The following PTPN12 variants were observed in gnomAD, a reference collection of about 807,000 sequenced individuals.
PTPN12 encodes protein tyrosine phosphatase non-receptor type 12, also known as tyrosine-protein phosphatase non-receptor type 12.
A neutral mutation model predicts 97.6 loss-of-function variants in PTPN12; 29 were observed. The ratio of observed to expected loss-of-function variants is 0.30; its 90% confidence interval spans 0.22 to 0.41. The LOEUF (loss-of-function observed/expected upper bound fraction) is 0.41, where lower values mean the gene tolerates loss of function less well. PTPN12 is among the 10% of genes least tolerant of loss of function. The probability of loss-of-function intolerance (pLI) is 1.00; values close to 1 mark genes in which losing one functional copy is unlikely to be tolerated. For missense variants in PTPN12, 819 were observed against 926.0 expected (o/e 0.88, Z 1.50); for synonymous variants, 327 against 300.4 (o/e 1.09, Z -0.91).
intron 9 of PTPN12, among the ~76,000 whole-genome samples, chr7:77,609,569 C>T (rs977496751): frequency 1.3e-5 from 2 of 150,832 alleles, no homozygotes; most frequent in African/African-American, 4.9e-5. Context: ...TGCACCCGGC[C>T]TAGTTGTTAA....
At chr7:77,575,310 C>G (rs890410547) in intron 2 of PTPN12, among the ~76,000 whole-genome samples, 20 of 151,482 alleles carry the variant, frequency 1.3e-4, no homozygotes, top group African/African-American at 4.6e-4. Flanking sequence ...GGCAACATAG[C>G]AAAACTCAAC....
At chr7:77,566,289 G>T (rs1008928426) in intron 1 of PTPN12, among the ~76,000 whole-genome samples, 2 of 152,168 alleles carry the variant, frequency 1.3e-5, no homozygotes, top group South Asian at 2.1e-4. Flanking sequence ...TATAATTAAA[G>T]ATTTGGTAGT....
chr7:77,612,732 C>T (rs910794411), intron 11 of PTPN12, among the ~76,000 whole-genome samples: 9 of 151,786 alleles, frequency 5.9e-5, no homozygotes, highest in Non-Finnish European at 1.2e-4. Context: ...CCACCGCGCC[C>T]GGCCTCGAAT....
intron 1 of PTPN12, among the ~76,000 whole-genome samples, chr7:77,549,025 C>T (rs908216924): frequency 4.6e-5 from 7 of 152,214 alleles, no homozygotes; most frequent in Non-Finnish European, 1.0e-4. Context: ...TCTAACCTGT[C>T]TCATTCACTT....
At chr7:77,619,096 CAGA>C (rs1788848527) in intron 12 of PTPN12, among the ~76,000 whole-genome samples, 2 of 152,072 alleles carry the variant, frequency 1.3e-5, no homozygotes, top group South Asian at 2.1e-4. Context: ...AATACAGAGG[CAGA>C]AGAAGATAGT....
intron 1 of PTPN12, among the ~76,000 whole-genome samples, chr7:77,564,607 C>T (rs11979103): frequency 1.3e-5 from 2 of 151,872 alleles, no homozygotes; most frequent in South Asian, 4.2e-4. Flanking sequence ...CAGTATAACT[C>T]TTAAGCTTAA....
chr7:77,585,621 G>A (rs535494194), intron 5 of PTPN12, 40 bp downstream of exon 5: 1 of 1,506,088 alleles, frequency 6.6e-7, no homozygotes. Flanking sequence ...CATTTTTACG[G>A]ATAAATATTC....
chr7:77,635,946 G>A (rs971723909), intron 15 of PTPN12, 97 bp downstream of exon 15: 7 of 693,034 alleles, frequency 1.0e-5, no homozygotes, highest in South Asian at 5.7e-5. Flanking sequence ...TCTTAAGATC[G>A]TTAAATATAG....
Position 77,637,944 on chromosome 7 carries a change from A to ATTTT in PTPN12, c.2174-680_2174-679insTTTT, listed in dbSNP as rs1421411134. 7.2e-3 allele frequency among the ~76,000 whole-genome samples: 648 copies of ATTTT among 89,482 alleles called. 176 individuals are homozygous for ATTTT. The highest frequency in any genetic ancestry group is 0.026 in the Middle Eastern group (2 of 78). The allele number at this position is 89,482 out of a possible 152,430, so 58.7% of individuals were successfully genotyped here. A position where few individuals can be genotyped will look rare whatever the true frequency, so the allele number is the denominator to read the frequency against. ...AACCCTGACCTTGTTGATTTCTTAA[A>ATTTT]ATTTTTTTTTTTTTTTTTTTTTTTT... On this transcript the variant is annotated intron_variant, in intron 16 of 17. Transcript: ENST00000248594.
chr7:77,598,668 G>A (rs1325558143), intron 7 of PTPN12, among the ~76,000 whole-genome samples: 1 of 151,996 alleles, frequency 6.6e-6, no homozygotes, highest in African/African-American at 2.4e-5. Context: ...GGGCAACAGA[G>A]CAAGACTCTG....
At chr7:77,542,371 A>G (rs1320794339) in intron 1 of PTPN12, among the ~76,000 whole-genome samples, 1 of 152,208 alleles carries the variant, frequency 6.6e-6, no homozygotes, top group Non-Finnish European at 1.5e-5. Flanking sequence ...TCTGGTAGAA[A>G]AGGTGAGAAT....
chr7:77,587,678 G>A (rs1486338875), intron 5 of PTPN12, among the ~76,000 whole-genome samples: 2 of 152,272 alleles, frequency 1.3e-5, no homozygotes, highest in East Asian at 1.9e-4. Flanking sequence ...GAAGCTAGAC[G>A]TTGACTTCTT....
At chr7:77,562,846 T>G (rs1584112091) in intron 1 of PTPN12, among the ~76,000 whole-genome samples, 1 of 150,582 alleles carries the variant, frequency 6.6e-6, no homozygotes, top group East Asian at 2.0e-4. Context: ...TTTATTTCCA[T>G]AAAAATATAC....
intron 9 of PTPN12, among the ~76,000 whole-genome samples, chr7:77,608,301 T>C (rs764177436): frequency 3.9e-5 from 6 of 152,238 alleles, no homozygotes; most frequent in Admixed American, 2.0e-4. Flanking sequence ...TAAATAACTT[T>C]TGTGAAGTTC....
chr7:77,584,876 C>CAA (rs932401569), intron 4 of PTPN12, among the ~76,000 whole-genome samples: 3,119 of 88,544 alleles, frequency 0.035, 43 homozygotes, highest in Middle Eastern at 0.13. Flanking sequence ...GACTCCGTCT[C>CAA]AAAAAAAAAA....
At chr7:77,563,933 G>A (rs1448951576) in intron 1 of PTPN12, 1 of 432,936 alleles carries the variant, frequency 2.3e-6, no homozygotes, top group Non-Finnish European at 4.6e-6. Context: ...CTTTTTTTTT[G>A]AGATGGAGCT....
At chr7:77,631,576 TC>T (rs1789398087) in intron 13 of PTPN12, among the ~76,000 whole-genome samples, 2 of 152,162 alleles carry the variant, frequency 1.3e-5, no homozygotes, top group African/African-American at 4.8e-5. Flanking sequence ...AACTCAAAGA[TC>T]AAATACACTC....
At chr7:77,561,854 C>T (rs1171252712) in intron 1 of PTPN12, among the ~76,000 whole-genome samples, 1 of 151,842 alleles carries the variant, frequency 6.6e-6, no homozygotes, top group African/African-American at 2.4e-5. Flanking sequence ...TGCAGTGGCA[C>T]GATCTCGGCT....
intron 7 of PTPN12, among the ~76,000 whole-genome samples, chr7:77,599,036 G>C (rs532576940): frequency 6.6e-6 from 1 of 151,290 alleles, no homozygotes; most frequent in South Asian, 2.1e-4. Flanking sequence ...TTACGAAGAT[G>C]AAATGAGAGT....
Sources: gnomAD v4.1 joint callset for allele counts (sites outside exome capture counted in the v4.1 genomes callset) on GRCh38, gnomAD v4.1.1 for gene constraint, MANE v1.5 for transcripts, NCBI Gene and HGNC (gene_info 2026-07-23, HGNC 2026-07-21) for gene names.